TMIGD1: variants seen among roughly 807,000 people sequenced by gnomAD.
TMIGD1 encodes transmembrane and immunoglobulin domain containing 1.
In TMIGD1, 29 loss-of-function variants were observed where a neutral mutation model predicts 27.5. The ratio of observed to expected loss-of-function variants is 1.05; its 90% CI spans 0.78 to 1.44. TMIGD1 has a LOEUF of 1.44. Ranked by LOEUF, TMIGD1 falls within the 40% of genes most tolerant of loss-of-function variation. The pLI, the probability that TMIGD1 is intolerant of heterozygous loss-of-function variation, is 0.00. For synonymous variants in TMIGD1, 109 were observed against 110.3 expected, an observed-to-expected ratio of 0.99 and a Z score of 0.07; for missense variants, 334 against 310.6, an observed-to-expected ratio of 1.08 and a Z score of -0.57.
chr17:30,319,261 A>AAAT lies in TMIGD1; in HGVS notation c.641-349_641-348insATT. Reference sequence around the variant, plus strand: ...TGTAAAAAAAAAAGAAAAAAAAAAAAATATATATATATATATAGCTGGGCA... The same window carrying AAAT: ...TGTAAAAAAAAAAGAAAAAAAAAAAAAATATATATATATATATATAGCTGGGCA... On this transcript the variant is annotated intron_variant, in intron 4 of 6. Transcript: ENST00000328886. Among the ~76,000 whole-genome samples, 6 of 69,044 alleles carry AAAT rather than the reference A, an allele frequency of 8.7e-5. 1 individual carries two copies. Among genetic ancestry groups the AAAT allele is most frequent in the African/African-American group, 4.5e-4 (5 of 11,034 alleles). 45.3% of individuals were successfully genotyped at this position (69,044 alleles called of 152,430 possible).
chr17:30,320,134 T>C (rs1909571046), intron 4 of TMIGD1, among the ~76,000 whole-genome samples: 1 of 151,708 alleles, frequency 6.6e-6, no homozygotes, highest in Non-Finnish European at 1.5e-5. Context: ...GCCTCCCAGG[T>C]TCAAGTAATT....
chr17:30,317,361 T>A, intron 5 of TMIGD1, 128 bp from the exon 6 acceptor site: 3 of 907,824 alleles, frequency 3.3e-6, no homozygotes, highest in Non-Finnish European at 5.3e-6. Flanking sequence ...TCAGGCGTCA[T>A]TTTTGGGGCC....
intron 4 of TMIGD1, among the ~76,000 whole-genome samples, chr17:30,319,261 A>AAAAAAAAAAAAAAAAAAAATATATAT: frequency 1.3e-4 from 9 of 69,038 alleles, no homozygotes; most frequent in African/African-American, 3.6e-4. Context: ...AAAAAAAAAA[A>AAAAAAAAAAAAAAAAAAAATATATAT]ATATATATAT....
At chr17:30,317,260 G>A (rs780796328) in intron 5 of TMIGD1, 27 bp from the exon 6 acceptor site, 6 of 1,613,778 alleles carry the variant, frequency 3.7e-6, no homozygotes, top group Admixed American at 3.3e-5. Flanking sequence ...CAGTAAATTA[G>A]CCTGCTTTTT....
rs757867184 is a variant in TMIGD1, at chr17:30,329,462, T to C, written c.150A>G (p.Ala50=). 6.2e-7 allele frequency: 1 copy of C among 1,614,208 alleles called. No individual in the cohort carries two copies. Among genetic ancestry groups the C allele is most frequent in the Non-Finnish European group, 8.5e-7 (1 of 1,180,012 alleles). The change falls in exon 3 of 7, where the codon GCA becomes GCG. Residue 50 remains alanine (A), a synonymous_variant. Transcript: ENST00000328886. ...GGTTTTGAACAGCACATATCAGAGATGCTTGGGAGCCAGGTGTAGTATCCA... is the reference window on the plus strand; with the variant it reads ...GGTTTTGAACAGCACATATCAGAGACGCTTGGGAGCCAGGTGTAGTATCCA... ...YILDTTPGSQ[A]SLICAVQNHT...
intron 1 of TMIGD1, among the ~76,000 whole-genome samples, chr17:30,332,887 T>C (rs1910025076): frequency 6.6e-6 from 1 of 152,184 alleles, no homozygotes; most frequent in Non-Finnish European, 1.5e-5. Flanking sequence ...GAAAACTTTC[T>C]GCGCAACAGG....
At chr17:30,316,813 T>C (rs1433633315) in intron 6 of TMIGD1, 123 bp from the exon 7 acceptor site, 2 of 879,674 alleles carry the variant, frequency 2.3e-6, no homozygotes, top group African/African-American at 1.7e-5. Context: ...ACTTCACATA[T>C]GCTAGAAGCG....
At chr17:30,318,593 G>A (rs1275998191) in intron 5 of TMIGD1, among the ~76,000 whole-genome samples, 1 of 152,136 alleles carries the variant, frequency 6.6e-6, no homozygotes, top group Admixed American at 6.6e-5. Flanking sequence ...TTCAATTCAG[G>A]CTTTGCCCAT....
Position 30,317,232 on chromosome 17 carries a change from A to C in TMIGD1, c.746T>G (p.Leu249Arg). The C allele has an allele frequency of 6.2e-7, 1 of 1,614,044 alleles. No homozygotes were observed. Among genetic ancestry groups the C allele is most frequent in the East Asian group, 2.2e-5 (1 of 44,864 alleles). Residue 249 changes from leucine (L) to arginine (R), a missense_variant and splice_region_variant, in exon 6 of 7, where the codon CTC (leucine) becomes CGC (arginine). Transcript: ENST00000328886. ...LIARRKKIMK[L>R]CMKDKDPHSE... ...GTGAGGGTCTTTATCCTTCATGCAG[A>C]GCTAAAAGCAAACATGGCAGTAAAT...
chr17:30,330,963 C>T (rs1003587896), intron 2 of TMIGD1, among the ~76,000 whole-genome samples: 31 of 152,186 alleles, frequency 2.0e-4, no homozygotes, highest in Admixed American at 7.2e-4. Flanking sequence ...GAGGCTGAGG[C>T]GGACGGATCA....
chr17:30,326,870 C>T (rs1163999178), intron 3 of TMIGD1, among the ~76,000 whole-genome samples: 2 of 152,148 alleles, frequency 1.3e-5, no homozygotes, highest in African/African-American at 2.4e-5. Context: ...CATTCTCCCC[C>T]AAACAGTGTA....
chr17:30,328,731 G>A (rs930905960), intron 3 of TMIGD1, among the ~76,000 whole-genome samples: 14 of 152,036 alleles, frequency 9.2e-5, no homozygotes, highest in Admixed American at 2.0e-4. Flanking sequence ...TGAGGTAGGC[G>A]GTTCACTCGA....
At position 30,325,099 on chromosome 17, in the gene TMIGD1, A is replaced by T. The variant is rs777941326; in HGVS notation, c.362-5T>A. 6.2e-6 allele frequency: 10 copies of T among 1,606,060 alleles called. No homozygotes were observed. The African/African-American group carries it at 1.3e-4, about 22-fold the overall frequency. On this transcript the variant is annotated splice_region_variant and splice_polypyrimidine_tract_variant and intron_variant, in intron 3 of 6. Transcript: ENST00000328886. ...TTCCACTTAGGAGAGGAGGAACTGC[A>T]AGACTCAAGCATTTAGATTTAATTA...
chr17:30,318,885 G>T lies in TMIGD1; in HGVS notation c.669C>A (p.Pro223=). 1.2e-6 allele frequency: 2 copies of T among 1,613,638 alleles called. No individual in the cohort carries two copies. Among genetic ancestry groups the T allele is most frequent in the Non-Finnish European group, 1.7e-6 (2 of 1,179,690 alleles). The change falls in exon 5 of 7, where the codon CCC becomes CCA. Residue 223 remains proline (P), a synonymous_variant. Transcript: ENST00000328886. ...AGATCACAACACATGCAGCAATAAT[G>T]GGCTCTATTGGTACACCCACAGTTT... ...KDKTVGVPIE[P]IIAACVVIFL...
In TMIGD1 at chr17:30,334,046, C is replaced by T. The variant is rs1910069243; in HGVS notation, c.-72G>A. The T allele has an allele frequency of 1.3e-5, 2 of 152,716 alleles. No individual in the cohort carries two copies. Among genetic ancestry groups the T allele is most frequent in the Non-Finnish European group, 2.9e-5 (2 of 68,084 alleles). 9.5% of individuals were successfully genotyped at this position (152,716 alleles called of 1,614,324 possible). On this transcript the variant is annotated 5_prime_UTR_variant, in exon 1 of 7. Coordinates refer to ENST00000328886, the MANE Select transcript of TMIGD1 (RefSeq NM_206832.3). Reference sequence around the variant, plus strand: ...ACTTCCTTGGCCAACTGTTCCTCTGCCTGAAAACCCTAAATGCTTTCCCTG... The same window carrying T: ...ACTTCCTTGGCCAACTGTTCCTCTGTCTGAAAACCCTAAATGCTTTCCCTG...
chr17:30,322,343 T>C (rs1418995430), intron 4 of TMIGD1, among the ~76,000 whole-genome samples: 2 of 152,200 alleles, frequency 1.3e-5, no homozygotes, highest in East Asian at 3.9e-4. Context: ...TCAACCTTAC[T>C]GGGGAGCCCC....
Position 30,318,808 on chromosome 17 carries a change from A to T in TMIGD1, c.744+2T>A, listed in dbSNP as rs1469762145. The T allele has an allele frequency of 3.7e-6, 6 of 1,600,168 alleles. No individual in the cohort carries two copies. The highest frequency in any genetic ancestry group is 4.3e-6 in the Non-Finnish European group (5 of 1,167,730). Reference sequence around the variant, plus strand: ...CTTAAATAGCTCAGAATACTTAGATACCTTCATTATTTTCTTTCTTCTAGC... The same window carrying T: ...CTTAAATAGCTCAGAATACTTAGATTCCTTCATTATTTTCTTTCTTCTAGC... On this transcript the variant is annotated splice_donor_variant, in intron 5 of 6. Coordinates refer to ENST00000328886, the MANE Select transcript of TMIGD1 (RefSeq NM_206832.3). LOFTEE classifies it high-confidence loss of function.
intron 1 of TMIGD1, 132 bp from the exon 2 acceptor site, chr17:30,332,290 C>A: frequency 1.9e-6 from 1 of 532,636 alleles, no homozygotes; most frequent in Non-Finnish European, 3.3e-6. Context: ...CTACTTCTAG[C>A]TTTTAATTAA....
In TMIGD1 at chr17:30,332,129, G is replaced by A; in HGVS notation, c.5C>T (p.Ala2Val). 1 of 1,611,738 alleles carries A rather than the reference G, an allele frequency of 6.2e-7. No individual in the cohort carries two copies. The highest frequency in any genetic ancestry group is 8.5e-7 in the Non-Finnish European group (1 of 1,178,874). ...TTGCATTATGACACTGCTCTTCCATGCCATCTTTAATGAGTTAAACTCAGA... is the reference window on the plus strand; with the variant it reads ...TTGCATTATGACACTGCTCTTCCATACCATCTTTAATGAGTTAAACTCAGA... Reference protein sequence around the residue: MAWKSSVIMQMG... With the variant: MVWKSSVIMQMG... The change falls in exon 2 of 7, where the codon GCA becomes GTA. Residue 2 changes from alanine to valine, a missense_variant. Physicochemically the swap from Ala to Val is moderately conservative, Grantham distance 64. Transcript: ENST00000328886.
Sources: gnomAD v4.1 joint callset for allele counts (sites outside exome capture counted in the v4.1 genomes callset) on GRCh38, gnomAD v4.1.1 for gene constraint, MANE v1.5 for transcripts, NCBI Gene and HGNC (gene_info 2026-07-23, HGNC 2026-07-21) for gene names.